Variants in OGDH observed in about 807,000 individuals in gnomAD.
OGDH encodes the protein oxoglutarate dehydrogenase.
OGDH carries 38 observed loss-of-function variants against 116.6 expected under a neutral mutation model. The observed-to-expected ratio is 0.33, with a 90% confidence interval of 0.25 to 0.43. The LOEUF (loss-of-function observed/expected upper bound fraction) is 0.43. Among genes scored for constraint, OGDH ranks in the 20% least tolerant of loss-of-function variants. The probability of loss-of-function intolerance (pLI) is 1.00; values close to 1 mark genes in which losing one functional copy is unlikely to be tolerated. For missense variants in OGDH, 825 were observed against 1,357.2 expected, an observed-to-expected ratio of 0.61 and a Z score of 6.16; for synonymous variants, 488 against 533.3, an observed-to-expected ratio of 0.92 and a Z score of 1.17.
chr7:44,608,514 C>G (rs1784442724), intron 1 of OGDH, among the ~76,000 whole-genome samples: 1 of 152,050 alleles, frequency 6.6e-6, no homozygotes, highest in Admixed American at 6.5e-5. Flanking sequence ...GCCTGGCCAA[C>G]ATGGTGAAAC....
Position 44,707,552 on chromosome 7 carries a change from C to T in OGDH, c.2797-30C>T, listed in dbSNP as rs931998412. 8 of 1,611,800 alleles carry T rather than the reference C, an allele frequency of 5.0e-6. No individual in the cohort carries two copies. Among genetic ancestry groups the T allele is most frequent in the Non-Finnish European group, 6.8e-6 (8 of 1,179,302 alleles). ...ATCTTGCCTGCCCTCTGAGTTTCCT[C>T]TTTTTGATCTGACCCCTGCTGTCTC... On this transcript the variant is annotated intron_variant, in intron 21 of 22. Transcript: ENST00000222673. The surrounding 1 kb of genome is among the most constrained non-coding windows in gnomAD (Gnocchi z 5.2).
In OGDH at chr7:44,708,014, T is replaced by A; in HGVS notation, c.*15T>A. ...ACTTCTCGTAGATGCTGCCTAGGGTTGCTTGGGCCACTGCCCTCTCCACAC... is the reference window on the plus strand; with the variant it reads ...ACTTCTCGTAGATGCTGCCTAGGGTAGCTTGGGCCACTGCCCTCTCCACAC... On this transcript the variant is annotated 3_prime_UTR_variant, in exon 23 of 23. Coordinates refer to ENST00000222673, the MANE Select transcript of OGDH (RefSeq NM_002541.4). 6.2e-7 allele frequency: 1 copy of A among 1,609,468 alleles called. No homozygotes were observed. The highest frequency in any genetic ancestry group is 8.5e-7 in the Non-Finnish European group (1 of 1,178,760).
chr7:44,627,823 C>A lies in OGDH; in HGVS notation c.222+3258C>A, dbSNP rs182052283. 9.5e-4 allele frequency among the ~76,000 whole-genome samples: 145 copies of A among 152,026 alleles called. 1 individual carries two copies. The highest frequency in any genetic ancestry group is 3.3e-3 in the African/African-American group (137 of 41,442). ...TCCCGAGTAGCCAGGATTACAGATA[C>A]GCGCCACCACGCCTGGCTAATTTTT... is the stretch of plus-strand genomic sequence containing the variant. On this transcript the variant is annotated intron_variant, in intron 2 of 22. Transcript: ENST00000222673.
At chr7:44,663,283 G>A (rs749534220) in intron 4 of OGDH, among the ~76,000 whole-genome samples, 34 of 152,190 alleles carry the variant, frequency 2.2e-4, no homozygotes, top group Non-Finnish European at 4.1e-4. Context: ...TTTTGGCTGA[G>A]ACATTCTAAT....
chr7:44,645,854 G>C (rs1786151660), intron 3 of OGDH, among the ~76,000 whole-genome samples: 1 of 152,188 alleles, frequency 6.6e-6, no homozygotes, highest in Non-Finnish European at 1.5e-5. Flanking sequence ...CTGCCAGTGA[G>C]CAGTGACTGG....
chr7:44,657,783 C>G lies in OGDH; in HGVS notation c.518-8953C>G, dbSNP rs151072113. 5.8e-3 allele frequency among the ~76,000 whole-genome samples: 877 copies of G among 152,256 alleles called. 10 individuals are homozygous for G. Among genetic ancestry groups the G allele is most frequent in the African/African-American group, 0.019 (800 of 41,556 alleles). ...TTTTGTGTTTTACATATAAATCTAT[C>G]ATCCATTTTGTGTAAATTTCTGTAT... On this transcript the variant is annotated intron_variant, in intron 4 of 22. Transcript: ENST00000222673.
chr7:44,653,526 TTTG>T (rs1205712094), intron 4 of OGDH, among the ~76,000 whole-genome samples: 2 of 152,172 alleles, frequency 1.3e-5, no homozygotes, highest in Non-Finnish European at 2.9e-5. Context: ...TACTGGGTTT[TTTG>T]TTGTTGTTTT....
intron 2 of OGDH, among the ~76,000 whole-genome samples, chr7:44,638,828 C>T (rs924284177): frequency 6.6e-5 from 10 of 152,236 alleles, no homozygotes; most frequent in South Asian, 2.1e-4. Flanking sequence ...TGCTTTGACT[C>T]TCTCTTCCAG....
At chr7:44,682,301 C>T (rs1787959969) in intron 10 of OGDH, among the ~76,000 whole-genome samples, 1 of 151,818 alleles carries the variant, frequency 6.6e-6, no homozygotes, top group African/African-American at 2.4e-5. Flanking sequence ...AGGAGAATTG[C>T]TTGAACCCGA....
At chr7:44,673,242 C>G (rs1418139499) in intron 5 of OGDH, among the ~76,000 whole-genome samples, 1 of 152,122 alleles carries the variant, frequency 6.6e-6, no homozygotes, top group Non-Finnish European at 1.5e-5. Flanking sequence ...CACTTGAGCT[C>G]AAGAGGTTGA....
chr7:44,618,612 A>G (rs953639956), intron 1 of OGDH, among the ~76,000 whole-genome samples: 5 of 152,228 alleles, frequency 3.3e-5, no homozygotes, highest in African/African-American at 4.8e-5. Context: ...AGTAGCTTCC[A>G]AACAGCTTCA....
intron 4 of OGDH, among the ~76,000 whole-genome samples, chr7:44,665,578 T>G (rs541257067): frequency 6.6e-5 from 10 of 152,324 alleles, no homozygotes; most frequent in African/African-American, 2.4e-4. Context: ...CAATTGTGTT[T>G]GCAAACTACC....
intron 4 of OGDH, among the ~76,000 whole-genome samples, chr7:44,655,693 A>G (rs369749289): frequency 9.9e-5 from 15 of 152,230 alleles, no homozygotes; most frequent in Non-Finnish European, 2.2e-4. Context: ...GCTGTTATGT[A>G]TAGTAGAAAT....
chr7:44,696,791 C>G, intron 14 of OGDH, 123 bp from the exon 15 acceptor site: 1 of 1,317,740 alleles, frequency 7.6e-7, no homozygotes, highest in Middle Eastern at 2.3e-4. Context: ...GCTTTTCCAG[C>G]AAGTCAGGAA....
At chr7:44,654,557 C>T (rs1229715909) in intron 4 of OGDH, among the ~76,000 whole-genome samples, 1 of 152,144 alleles carries the variant, frequency 6.6e-6, no homozygotes, top group Non-Finnish European at 1.5e-5. Context: ...ATTTAGTAAG[C>T]ATTGATTGCT....
At chr7:44,623,986 T>G (rs1449815451) in intron 1 of OGDH, among the ~76,000 whole-genome samples, 1 of 152,126 alleles carries the variant, frequency 6.6e-6, no homozygotes, top group Admixed American at 6.6e-5. Context: ...TCTGCAACTG[T>G]GCACTCACCT....
At chr7:44,652,314 T>G (rs1786485839) in intron 4 of OGDH, among the ~76,000 whole-genome samples, 1 of 151,760 alleles carries the variant, frequency 6.6e-6, no homozygotes, top group Non-Finnish European at 1.5e-5. Flanking sequence ...TTCACCATAT[T>G]GGCCAGGCTG....
chr7:44,613,727 C>T (rs1784657178), intron 1 of OGDH, among the ~76,000 whole-genome samples: 1 of 151,644 alleles, frequency 6.6e-6, no homozygotes, highest in African/African-American at 2.4e-5. Flanking sequence ...AACTCCTGAC[C>T]TCAAGTCATC....
chr7:44,692,605 T>C (rs944894660), intron 10 of OGDH, among the ~76,000 whole-genome samples: 4 of 152,238 alleles, frequency 2.6e-5, no homozygotes, highest in Non-Finnish European at 5.9e-5. Flanking sequence ...GCGTTAAGGA[T>C]GAGCAGTGTG....
Sources: allele counts gnomAD v4.1 joint callset (sites outside exome capture counted in the v4.1 genomes callset), GRCh38; gene constraint gnomAD v4.1.1; non-coding constraint Gnocchi (gnomAD v3.1); transcripts MANE v1.5; gene names NCBI Gene and HGNC (gene_info 2026-07-23, HGNC 2026-07-21).